CHST12: variants seen among roughly 807,000 people sequenced by gnomAD.
The protein encoded by CHST12 is carbohydrate sulfotransferase 12, also known as carbohydrate (chondroitin 4) sulfotransferase 12.
Under a neutral mutation model 27.9 loss-of-function variants are expected in CHST12, and 23 were observed. The observed-to-expected ratio is 0.82, with a 90% CI of 0.59 to 1.17. The LOEUF (loss-of-function observed/expected upper bound fraction) is 1.17. Ranked by LOEUF, CHST12 falls within the 50% of genes most tolerant of loss-of-function variation. The pLI is 0.00. For missense variants in CHST12, 682 were observed against 603.0 expected (o/e 1.13, Z -1.37); for synonymous variants, 322 against 273.0 (o/e 1.18, Z -1.77).
At chr7:2,418,731 C>A (rs1281102101) in intron 1 of CHST12, among the ~76,000 whole-genome samples, 5 of 152,176 alleles carry the variant, frequency 3.3e-5, no homozygotes, top group Non-Finnish European at 7.3e-5. Flanking sequence ...GGGCTTCAGG[C>A]CGGAGCTGTG....
chr7:2,438,564 T>C lies in CHST12; in HGVS notation c.*4680T>C, dbSNP rs1212821075. ...TCCAGGGGTAATTTTTGCTCACTTATTTATAAGCCACACATCCTCTTCTAT... is the reference window on the plus strand; with the variant it reads ...TCCAGGGGTAATTTTTGCTCACTTACTTATAAGCCACACATCCTCTTCTAT... On this transcript the variant is annotated 3_prime_UTR_variant, in exon 2 of 2. Coordinates refer to ENST00000618655, the MANE Select transcript of CHST12 (RefSeq NM_018641.5). 6.6e-6 allele frequency: 1 copy of C among 152,234 alleles called. No individual in the cohort carries two copies. Among genetic ancestry groups the C allele is most frequent in the Non-Finnish European group, 1.5e-5 (1 of 68,044 alleles). The allele number at this position is 152,234 out of a possible 1,614,324, so 9.4% of individuals were successfully genotyped here.
At chr7:2,408,711 C>T (rs552337206) in intron 1 of CHST12, among the ~76,000 whole-genome samples, 4 of 152,284 alleles carry the variant, frequency 2.6e-5, no homozygotes, top group African/African-American at 9.6e-5. Context: ...ATTTGTTCCT[C>T]ATGCTTTAAG....
At chr7:2,420,695 A>G (rs1428107416) in intron 1 of CHST12, among the ~76,000 whole-genome samples, 1 of 152,022 alleles carries the variant, frequency 6.6e-6, no homozygotes, top group Non-Finnish European at 1.5e-5. Flanking sequence ...GCTACTCAGG[A>G]GGCTGCTTGA....
At position 2,425,468 on chromosome 7, in the gene CHST12, C is replaced by A. The variant is rs141920771; in HGVS notation, c.-77-7095C>A. Among the ~76,000 whole-genome samples the A allele has an allele frequency of 1.5e-3, 229 of 152,258 alleles. 4 individuals carry two copies. The South Asian group carries it at 0.031, about 20-fold the overall frequency. On this transcript the variant is annotated intron_variant, in intron 1 of 1. Transcript: ENST00000618655. ...AAAGGGCCTATGAGATGGCCCTGCT[C>A]AAACATCTAGAAAGAAAGAGATAGG...
chr7:2,422,536 C>T (rs1562514861), intron 1 of CHST12, among the ~76,000 whole-genome samples: 1 of 151,898 alleles, frequency 6.6e-6, no homozygotes, highest in Non-Finnish European at 1.5e-5. Context: ...TGAGCCACTG[C>T]GCCCTGCCTC....
chr7:2,431,780 G>A (rs949585813), intron 1 of CHST12, among the ~76,000 whole-genome samples: 2 of 152,182 alleles, frequency 1.3e-5, no homozygotes, highest in Non-Finnish European at 2.9e-5. Flanking sequence ...AAGCTGTAGG[G>A]TGCAGTTTTT....
intron 1 of CHST12, among the ~76,000 whole-genome samples, chr7:2,420,796 A>G (rs1039168267): frequency 2.7e-4 from 41 of 152,144 alleles, no homozygotes; most frequent in African/African-American, 9.9e-4. Context: ...GGAAAAGAAC[A>G]ACAACCTTGC....
intron 1 of CHST12, 31 bp downstream of exon 1, chr7:2,403,704 G>A (rs1781444961): frequency 6.6e-6 from 1 of 152,576 alleles, no homozygotes; most frequent in Non-Finnish European, 1.5e-5. Flanking sequence ...CGGGCTCGGG[G>A]CGCGGTCTCC....
chr7:2,405,209 C>T (rs1430708891), intron 1 of CHST12, among the ~76,000 whole-genome samples: 1 of 152,084 alleles, frequency 6.6e-6, no homozygotes, highest in Non-Finnish European at 1.5e-5. Flanking sequence ...CTTTGGGAGG[C>T]AGAGGCGGGC....
intron 1 of CHST12, among the ~76,000 whole-genome samples, chr7:2,410,099 G>C (rs893984170): frequency 2.0e-5 from 3 of 152,078 alleles, no homozygotes; most frequent in African/African-American, 7.2e-5. Flanking sequence ...TTCTTTCGTC[G>C]TTTTCCAAGG....
At chr7:2,409,616 T>G (rs1193479611) in intron 1 of CHST12, among the ~76,000 whole-genome samples, 2 of 82,642 alleles carry the variant, frequency 2.4e-5, no homozygotes, top group Non-Finnish European at 4.6e-5. Context: ...AGCAAGATCC[T>G]GTCTCAAAGA....
chr7:2,411,218 G>C (rs1168742632), intron 1 of CHST12, among the ~76,000 whole-genome samples: 1 of 152,038 alleles, frequency 6.6e-6, no homozygotes, highest in Non-Finnish European at 1.5e-5. Flanking sequence ...GAGTAGCTGG[G>C]ACTACAGGTG....
At chr7:2,407,080 G>C (rs1258066900) in intron 1 of CHST12, among the ~76,000 whole-genome samples, 1 of 152,130 alleles carries the variant, frequency 6.6e-6, no homozygotes, top group Non-Finnish European at 1.5e-5. Flanking sequence ...TCAGTTAGTG[G>C]GTGAAAGATA....
intron 1 of CHST12, among the ~76,000 whole-genome samples, chr7:2,409,110 G>T (rs117054486): frequency 7.8e-4 from 119 of 152,316 alleles, no homozygotes; most frequent in South Asian, 2.1e-3. Context: ...ACTACAAGGC[G>T]CAGCTGTGGA....
intron 1 of CHST12, among the ~76,000 whole-genome samples, chr7:2,410,513 A>G (rs1583208155): frequency 6.6e-6 from 1 of 152,330 alleles, no homozygotes; most frequent in East Asian, 1.9e-4. Context: ...TCTAAAAATA[A>G]TAAATAAAAG....
At chr7:2,426,735 T>C (rs1313664424) in intron 1 of CHST12, among the ~76,000 whole-genome samples, 1 of 151,926 alleles carries the variant, frequency 6.6e-6, no homozygotes, top group Non-Finnish European at 1.5e-5. Context: ...CTTATGCCTG[T>C]AATCCCAGCA....
chr7:2,424,037 G>T (rs571722485), intron 1 of CHST12, among the ~76,000 whole-genome samples: 1 of 152,270 alleles, frequency 6.6e-6, no homozygotes, highest in South Asian at 2.1e-4. Flanking sequence ...GGGCAACAGC[G>T]CAAGACTGTA....
rs181009329 is a variant in CHST12, at chr7:2,434,468, C to G, written c.*584C>G. The G allele has an allele frequency of 6.7e-3, 1,120 of 166,712 alleles. 22 individuals carry two copies. Among genetic ancestry groups the G allele is most frequent in the African/African-American group, 0.022 (903 of 41,250 alleles). 10.3% of individuals were successfully genotyped at this position (166,712 alleles called of 1,614,324 possible). ...TAGTTTAAATTATGGCTGTTAAGGC[C>G]GGGCGGGTGACTCAGGCAGGTAATC... On this transcript the variant is annotated 3_prime_UTR_variant, in exon 2 of 2. Coordinates refer to ENST00000618655, the MANE Select transcript of CHST12 (RefSeq NM_018641.5).
At chr7:2,407,457 A>G (rs567861240) in intron 1 of CHST12, among the ~76,000 whole-genome samples, 1 of 152,288 alleles carries the variant, frequency 6.6e-6, no homozygotes, top group African/African-American at 2.4e-5. Flanking sequence ...CTAAAAAATA[A>G]AATAAAATAC....
Sources: allele counts gnomAD v4.1 joint callset (sites outside exome capture counted in the v4.1 genomes callset), GRCh38; gene constraint gnomAD v4.1.1; transcripts MANE v1.5; gene names NCBI Gene and HGNC (gene_info 2026-07-23, HGNC 2026-07-21).